Variants in DHX9 observed in about 807,000 individuals in gnomAD.
The protein encoded by DHX9 is DExH-box helicase 9.
Under a neutral mutation model 148.7 loss-of-function variants are expected in DHX9, and 27 were observed. The observed-to-expected ratio is 0.18, with a 90% CI of 0.13 to 0.25. The LOEUF is 0.25. DHX9 is among the 10% of genes least tolerant of loss of function. The pLI, the probability that DHX9 is intolerant of heterozygous loss-of-function variation, is 1.00. For synonymous variants in DHX9, 529 were observed against 516.6 expected (o/e 1.02, Z -0.33); for missense variants, 796 against 1,559.6 (o/e 0.51, Z 8.25).
chr1:182,862,953 G>C (rs927477181), intron 12 of DHX9, among the ~76,000 whole-genome samples: 5 of 152,152 alleles, frequency 3.3e-5, no homozygotes, highest in Non-Finnish European at 7.4e-5. Flanking sequence ...GTGGGGAAGA[G>C]GTTAGCACTT....
At chr1:182,844,725 G>A (rs1032041465) in intron 3 of DHX9, among the ~76,000 whole-genome samples, 16 of 152,216 alleles carry the variant, frequency 1.1e-4, no homozygotes, top group African/African-American at 3.4e-4. Context: ...GTAGAGACGG[G>A]GTTTTACCAT....
chr1:182,856,576 GAAGT>G lies in DHX9; in HGVS notation c.673+3_673+6del. 6.2e-7 allele frequency: 1 copy of G among 1,613,820 alleles called. No individual in the cohort carries two copies. Among genetic ancestry groups the G allele is most frequent in the Non-Finnish European group, 8.5e-7 (1 of 1,179,734 alleles). ...ACCATTTATATCAAGCAGCTGGGCA[GAAGT>G]AAGTGTTACTGTTTCCCCAATATTC... On this transcript the variant is annotated splice_donor_variant and coding_sequence_variant, in exon 7 of 28. Coordinates refer to ENST00000367549, the MANE Select transcript of DHX9 (RefSeq NM_001357.5). LOFTEE classifies it high-confidence loss of function.
At position 182,852,459 on chromosome 1, in the gene DHX9, G is replaced by A. The variant is rs998679752; in HGVS notation, c.364+115G>A. 1.1e-5 allele frequency: 7 copies of A among 646,212 alleles called. No homozygotes were observed. In the African/African-American group the frequency reaches 1.1e-4, roughly 10 times the overall value. The allele number at this position is 646,212 out of a possible 1,614,324, so 40.0% of individuals were successfully genotyped here. A position where few individuals can be genotyped will look rare whatever the true frequency, so the allele number is the denominator to read the frequency against. On this transcript the variant is annotated intron_variant, in intron 4 of 27. Transcript: ENST00000367549. Reference sequence around the variant, plus strand: ...CTGCAGTAAACTCTTGATGTTAAGAGACAACCCAAGGCCTTCATAAATTTG... The same window carrying A: ...CTGCAGTAAACTCTTGATGTTAAGAAACAACCCAAGGCCTTCATAAATTTG...
chr1:182,886,916 G>A (rs1350590033), intron 27 of DHX9, among the ~76,000 whole-genome samples, 167 bp from the exon 28 acceptor site: 1 of 152,194 alleles, frequency 6.6e-6, no homozygotes, highest in East Asian at 1.9e-4. Flanking sequence ...GGATACAATT[G>A]ATGACTGTTT....
intron 18 of DHX9, 33 bp downstream of exon 18, chr1:182,876,574 A>G (rs1648769287): frequency 6.4e-7 from 1 of 1,561,994 alleles, no homozygotes; most frequent in Admixed American, 1.7e-5. Context: ...ATGGGATTGG[A>G]AGTGACGTAG....
In DHX9 at chr1:182,872,292, T is replaced by A. The variant is rs766051569; in HGVS notation, c.1558-45T>A. 6.5e-6 allele frequency: 10 copies of A among 1,537,418 alleles called. No individual in the cohort carries two copies. The East Asian group carries it at 2.3e-4, about 35-fold the overall frequency. On this transcript the variant is annotated intron_variant, in intron 14 of 27. Coordinates refer to ENST00000367549, the MANE Select transcript of DHX9 (RefSeq NM_001357.5). ...ACTCTTTTAGGCATAGCTTGTTATA[T>A]AAACTTAATGTAATTTCAAAAATTT...
intron 14 of DHX9, among the ~76,000 whole-genome samples, chr1:182,869,868 G>A (rs1406467548): frequency 6.6e-6 from 1 of 152,146 alleles, no homozygotes; most frequent in African/African-American, 2.4e-5. Flanking sequence ...CAAAGTGCTG[G>A]GATTTACAGG....
At chr1:182,875,816 G>T (rs369279147) in intron 16 of DHX9, among the ~76,000 whole-genome samples, 32 of 152,276 alleles carry the variant, frequency 2.1e-4, no homozygotes, top group Admixed American at 1.5e-3. Context: ...TTAAGTTTGT[G>T]TTTGAATTTT....
chr1:182,882,695 C>G (rs1345178489), intron 24 of DHX9, among the ~76,000 whole-genome samples: 20 of 151,946 alleles, frequency 1.3e-4, no homozygotes, highest in Non-Finnish European at 2.9e-5. Flanking sequence ...TGAAACCCGT[C>G]TCTACTAAAA....
intron 24 of DHX9, 28 bp downstream of exon 24, chr1:182,881,675 C>T: frequency 1.3e-6 from 2 of 1,564,754 alleles, no homozygotes; most frequent in Non-Finnish European, 1.7e-6. Context: ...CTTAAGATAT[C>T]TTTAAAGTGA....
Position 182,865,545 on chromosome 1 carries a change from G to C in DHX9, c.1333-899G>C, listed in dbSNP as rs139879696. 6.5e-4 allele frequency among the ~76,000 whole-genome samples: 99 copies of C among 152,296 alleles called. No individual in the cohort carries two copies. The East Asian group carries it at 0.016, about 25-fold the overall frequency. ...AGGATTGTTTAGTAAAAAGAAGATA[G>C]TGATCAGTAAGAGCTACCAAAATTC... On this transcript the variant is annotated intron_variant, in intron 12 of 27. Coordinates refer to ENST00000367549, the MANE Select transcript of DHX9 (RefSeq NM_001357.5).
chr1:182,867,663 A>C (rs931069498), intron 14 of DHX9, among the ~76,000 whole-genome samples: 1 of 152,196 alleles, frequency 6.6e-6, no homozygotes, highest in African/African-American at 2.4e-5. Flanking sequence ...TTAGCCTCCC[A>C]AAATGCTGGG....
chr1:182,884,270 CA>C (rs200609431), intron 26 of DHX9, among the ~76,000 whole-genome samples: 4 of 149,860 alleles, frequency 2.7e-5, no homozygotes, highest in African/African-American at 7.3e-5. Context: ...GACTCTGTCT[CA>C]AAAAAAAAGA....
intron 27 of DHX9, among the ~76,000 whole-genome samples, chr1:182,886,149 T>C (rs1649313573): frequency 6.6e-6 from 1 of 151,726 alleles, no homozygotes; most frequent in African/African-American, 2.4e-5. Flanking sequence ...GGAAGACAGA[T>C]TACAGTCATT....
chr1:182,883,458 TATAGCGGTATTTGGAAGTTGGA>T, intron 25 of DHX9, 40 bp from the exon 26 acceptor site: 5 of 1,573,212 alleles, frequency 3.2e-6, no homozygotes, highest in Non-Finnish European at 4.4e-6. Flanking sequence ...AAGCACAGTA[TATAGCGGTATTTGGAAGTTGGA>T]ATGTCAACCA....
chr1:182,854,539 G>T (rs1394052193), intron 6 of DHX9, among the ~76,000 whole-genome samples: 1 of 152,060 alleles, frequency 6.6e-6, no homozygotes, highest in Non-Finnish European at 1.5e-5. Context: ...GGTATTGTTA[G>T]AGGCAGTTAC....
intron 2 of DHX9, 90 bp from the exon 3 acceptor site, chr1:182,843,204 G>C (rs1667963110): frequency 3.1e-5 from 30 of 955,372 alleles, no homozygotes; most frequent in Non-Finnish European, 4.1e-5. Context: ...TTAGCTGTTT[G>C]TTGTCTCTTA....
Position 182,858,563 on chromosome 1 carries a change from A to C in DHX9, c.823A>C (p.Lys275Gln). 1 of 1,609,700 alleles carries C rather than the reference A, an allele frequency of 6.2e-7. No individual in the cohort carries two copies. The highest frequency in any genetic ancestry group is 8.5e-7 in the Non-Finnish European group (1 of 1,177,512). Residue 275 changes from lysine (K) to glutamine (Q), a missense_variant, in exon 9 of 28, where the codon AAA (lysine) becomes CAA (glutamine). By Grantham distance (53) the Lys-to-Gln change is moderately conservative (BLOSUM62 1). Transcript: ENST00000367549. The stretch of plus-strand genomic sequence containing the variant: ...CCTTTTTCCATAGGTGGAGCCTTAC[A>C]AAGTAAACCTCTCTCAAGATTTAGA... ...KKEGETVEPY[K>Q]VNLSQDLEHQ...
chr1:182,842,498 T>G, intron 1 of DHX9, 47 bp from the exon 2 acceptor site: 2 of 1,110,340 alleles, frequency 1.8e-6, no homozygotes, highest in Non-Finnish European at 2.6e-6. Flanking sequence ...TTCCTCCCAG[T>G]TTTTGCTATT....
Sources: gnomAD v4.1 joint callset for allele counts (sites outside exome capture counted in the v4.1 genomes callset) on GRCh38, gnomAD v4.1.1 for gene constraint, MANE v1.5 for transcripts, NCBI Gene and HGNC (gene_info 2026-07-23, HGNC 2026-07-21) for gene names.